Variants in SNX29 observed in about 807,000 individuals in gnomAD.
The protein encoded by SNX29 is sorting nexin-29.
In SNX29, 78 loss-of-function variants were observed where a neutral mutation model predicts 102.1. The ratio of observed to expected loss-of-function variants is 0.76; its 90% CI spans 0.64 to 0.92. The LOEUF (loss-of-function observed/expected upper bound fraction) is 0.92, where lower values mean the gene tolerates loss of function less well. Ranked by LOEUF, SNX29 falls within the 40% of genes least tolerant of loss-of-function variation. The pLI is 0.00. For synonymous variants in SNX29, 580 were observed against 414.5 expected, an observed-to-expected ratio of 1.40 and a Z score of -4.85; for missense variants, 1,280 against 1,061.7, an observed-to-expected ratio of 1.21 and a Z score of -2.86.
At chr16:12,010,558 C>G (rs562023253) in intron 3 of SNX29, among the ~76,000 whole-genome samples, 2 of 152,038 alleles carry the variant, frequency 1.3e-5, no homozygotes, top group Non-Finnish European at 2.9e-5. Context: ...CCTAGGAGGT[C>G]GAGGCTGCAG....
At chr16:12,117,219 A>AG (rs2053763043) in intron 11 of SNX29, among the ~76,000 whole-genome samples, 1 of 100,314 alleles carries the variant, frequency 1.0e-5, no homozygotes. Flanking sequence ...GGAAACAGGC[A>AG]TGGTCAATAC....
intron 19 of SNX29, among the ~76,000 whole-genome samples, chr16:12,504,754 C>T (rs898694274): frequency 1.3e-5 from 2 of 152,248 alleles, no homozygotes; most frequent in East Asian, 3.9e-4. Flanking sequence ...TAGACTTTGT[C>T]ATAAGTATGT....
chr16:12,540,143 A>G (rs961096133), intron 20 of SNX29, among the ~76,000 whole-genome samples: 2 of 152,182 alleles, frequency 1.3e-5, no homozygotes, highest in African/African-American at 4.8e-5. Flanking sequence ...AAAGTTTTAT[A>G]GCTTTACATT....
rs147949688 is a variant in SNX29 at position 12,205,284 on chromosome 16, G to A, written c.1678+5601G>A. ...CAGAGGCAAAGATGTCTCGTTTGAG[G>A]CAGTCTTCGGTTGCAAGGAATAACA... On this transcript the variant is annotated intron_variant, in intron 14 of 20. Transcript: ENST00000566228. Among the ~76,000 whole-genome samples, 524 of 152,296 alleles carry A rather than the reference G, an allele frequency of 3.4e-3. 2 individuals carry two copies. Among genetic ancestry groups the A allele is most frequent in the African/African-American group, 0.012 (498 of 41,554 alleles).
intron 19 of SNX29, among the ~76,000 whole-genome samples, chr16:12,516,316 C>T (rs955005169): frequency 6.6e-6 from 1 of 151,954 alleles, no homozygotes; most frequent in Non-Finnish European, 1.5e-5. Flanking sequence ...CCCGTCTCTA[C>T]AAAAACTTTA....
At chr16:12,255,789 G>C (rs2078555020) in intron 14 of SNX29, among the ~76,000 whole-genome samples, 1 of 152,184 alleles carries the variant, frequency 6.6e-6, no homozygotes, top group Non-Finnish European at 1.5e-5. Context: ...ATGGACACAG[G>C]TTGATTCTGT....
At chr16:12,481,810 C>G (rs143677291) in intron 19 of SNX29, among the ~76,000 whole-genome samples, 1 of 152,188 alleles carries the variant, frequency 6.6e-6, no homozygotes, top group Non-Finnish European at 1.5e-5. Flanking sequence ...GCTGGGATTA[C>G]AGGTGTGAGT....
intron 1 of SNX29, among the ~76,000 whole-genome samples, chr16:11,992,956 G>T (rs1264724124): frequency 1.3e-5 from 2 of 152,062 alleles, no homozygotes; most frequent in African/African-American, 2.4e-5. Context: ...GAGGTCAGGA[G>T]TTCGAGACCA....
intron 14 of SNX29, among the ~76,000 whole-genome samples, chr16:12,241,247 A>G (rs964344864): frequency 1.3e-5 from 2 of 152,180 alleles, no homozygotes; most frequent in Admixed American, 6.5e-5. Flanking sequence ...TTGGCCTGGT[A>G]GTCTCTTAGA....
chr16:12,573,566 C>T lies in SNX29; in HGVS notation c.*4937C>T, dbSNP rs2079231261. ...TGTTTTCCCATCCTAACCGGAAAAC[C>T]ACTCACCCAGGCTTCCCCCACTTCC... On this transcript the variant is annotated 3_prime_UTR_variant, in exon 21 of 21. Coordinates refer to ENST00000566228, the MANE Select transcript of SNX29 (RefSeq NM_032167.5). 9.0e-6 allele frequency: 2 copies of T among 223,394 alleles called. No individual in the cohort carries two copies. The highest frequency in any genetic ancestry group is 5.7e-5 in the Admixed American group (1 of 17,432). 13.8% of individuals were successfully genotyped at this position (223,394 alleles called of 1,614,324 possible).
chr16:12,019,253 G>A (rs2056943273), intron 3 of SNX29, among the ~76,000 whole-genome samples: 1 of 152,164 alleles, frequency 6.6e-6, no homozygotes, highest in African/African-American at 2.4e-5. Context: ...TGTCACCCAG[G>A]CTGGAGTGCA....
Position 12,570,281 on chromosome 16 carries a change from T to TC in SNX29, c.*1653dup. 9.4e-7 allele frequency: 1 copy of TC among 1,062,760 alleles called. No individual in the cohort carries two copies. The highest frequency in any genetic ancestry group is 1.1e-6 in the Non-Finnish European group (1 of 877,222). The allele number at this position is 1,062,760 out of a possible 1,614,324, so 65.8% of individuals were successfully genotyped here. ...ATGTATGGAGGTGCGGACCCTGCAG[T>TC]CAGTTTGCGAGTGTGGAGGACCCGA... On this transcript the variant is annotated 3_prime_UTR_variant, in exon 21 of 21. Transcript: ENST00000566228.
intron 8 of SNX29, among the ~76,000 whole-genome samples, chr16:12,056,725 C>T (rs1024088843): frequency 1.3e-5 from 2 of 152,198 alleles, no homozygotes; most frequent in Non-Finnish European, 2.9e-5. Context: ...CTGTATTTAT[C>T]ATAAGTATTA....
chr16:12,481,484 A>G (rs1254169095), intron 19 of SNX29, among the ~76,000 whole-genome samples: 1 of 94,580 alleles, frequency 1.1e-5, no homozygotes, highest in East Asian at 2.8e-4. Flanking sequence ...ATACACACAT[A>G]TATATACACA....
Position 12,366,042 on chromosome 16 carries a change from C to CAAAAA in SNX29, c.1899+9787_1899+9791dup, listed in dbSNP as rs55895030. 5.8e-4 allele frequency among the ~76,000 whole-genome samples: 42 copies of CAAAAA among 72,420 alleles called. 3 individuals carry two copies. The highest frequency in any genetic ancestry group is 7.7e-4 in the Non-Finnish European group (26 of 33,750). 47.5% of individuals were successfully genotyped at this position (72,420 alleles called of 152,430 possible). ...GGGCGTCAGAGTGAGACTCTTGTCT[C>CAAAAA]AAAAAAAAAAAAAAAAAAAAAAAAA... On this transcript the variant is annotated intron_variant, in intron 16 of 20. Transcript: ENST00000566228.
chr16:12,279,608 C>T (rs1227364269), intron 15 of SNX29, among the ~76,000 whole-genome samples: 1 of 152,158 alleles, frequency 6.6e-6, no homozygotes, highest in African/African-American at 2.4e-5. Flanking sequence ...CCCGGAAGTC[C>T]CAAGTGGAGA....
chr16:12,483,818 G>C (rs2088093233), intron 19 of SNX29, among the ~76,000 whole-genome samples: 1 of 152,202 alleles, frequency 6.6e-6, no homozygotes, highest in Non-Finnish European at 1.5e-5. Flanking sequence ...CAAGAACAAG[G>C]AGTAGGGGCA....
chr16:12,482,007 G>T (rs1036734668), intron 19 of SNX29, among the ~76,000 whole-genome samples: 1 of 152,194 alleles, frequency 6.6e-6, no homozygotes, highest in African/African-American at 2.4e-5. Flanking sequence ...ACACCCAACA[G>T]GGGCCACTGG....
At chr16:12,250,911 C>T (rs1412311691) in intron 14 of SNX29, among the ~76,000 whole-genome samples, 2 of 152,216 alleles carry the variant, frequency 1.3e-5, no homozygotes, top group African/African-American at 4.8e-5. Context: ...GATCCCTGAC[C>T]CCGGTACTGC....
Sources: allele counts gnomAD v4.1 joint callset (sites outside exome capture counted in the v4.1 genomes callset), GRCh38; gene constraint gnomAD v4.1.1; transcripts MANE v1.5; gene names NCBI Gene and HGNC (gene_info 2026-07-23, HGNC 2026-07-21).